BTN2A2: variants seen among roughly 807,000 people sequenced by gnomAD.
The protein encoded by BTN2A2 is butyrophilin subfamily 2 member A2, also known as butyrophilin 2.
BTN2A2 carries 29 observed loss-of-function variants against 34.7 expected under a neutral mutation model. The observed-to-expected ratio is 0.84, with a 90% CI of 0.62 to 1.14. BTN2A2 has a LOEUF of 1.14. BTN2A2 is among the 50% of genes most tolerant of loss of function. The probability of loss-of-function intolerance (pLI) is 0.00; values close to 1 mark genes in which losing one functional copy is unlikely to be tolerated. For missense variants in BTN2A2, 612 were observed against 651.5 expected (o/e 0.94, Z 0.66); for synonymous variants, 240 against 253.1 (o/e 0.95, Z 0.49).
intron 4 of BTN2A2, 25 bp from the exon 5 acceptor site, chr6:26,389,980 T>C: frequency 6.2e-7 from 1 of 1,608,268 alleles, no homozygotes; most frequent in Non-Finnish European, 8.5e-7. Context: ...TCAAACTAAA[T>C]GGACTTTTCT....
At chr6:26,392,190 A>C (rs1329213086) in intron 7 of BTN2A2, 185 bp from the exon 8 acceptor site, 8 of 1,526,028 alleles carry the variant, frequency 5.2e-6, no homozygotes, top group South Asian at 1.2e-5. Flanking sequence ...CTGTCTCTGG[A>C]GAGATAGAAG....
intron 3 of BTN2A2, 190 bp downstream of exon 3, chr6:26,385,552 CTTTTT>C: frequency 4.7e-6 from 2 of 428,112 alleles, no homozygotes; most frequent in Admixed American, 3.9e-5. Flanking sequence ...GGTTTCACTT[CTTTTT>C]TTTTTTTTTT....
chr6:26,383,928 G>A lies in BTN2A2; in HGVS notation c.94+13G>A, dbSNP rs185773255. On this transcript the variant is annotated intron_variant, in intron 2 of 7. Coordinates refer to ENST00000356709, the MANE Select transcript of BTN2A2 (RefSeq NM_006995.5). This position sits in a 1 kb window ranked among gnomAD's most constrained non-coding sequence, Gnocchi z 4.4. ...GCACTGGTCTCAGGTAGGGATGTGT[G>A]TCACTTGCTGCTGTCACCTCTCAGA... 155 of 1,609,476 alleles carry A rather than the reference G, an allele frequency of 9.6e-5. 1 individual carries two copies. The East Asian group carries it at 3.3e-3, about 34-fold the overall frequency.
At chr6:26,392,265 A>T in intron 7 of BTN2A2, 110 bp from the exon 8 acceptor site, 1 of 1,578,318 alleles carries the variant, frequency 6.3e-7, no homozygotes, top group Non-Finnish European at 8.6e-7. Context: ...GGAAACGGCC[A>T]CTACATGGGG....
chr6:26,390,348 A>G, intron 5 of BTN2A2, 137 bp downstream of exon 5: 2 of 915,582 alleles, frequency 2.2e-6, no homozygotes, highest in Non-Finnish European at 1.6e-6. Flanking sequence ...GAGAGAGGAA[A>G]TGCACAGCAG....
Position 26,390,227 on chromosome 6 carries a change from A to T in BTN2A2, c.931+16A>T, listed in dbSNP as rs921595968. On this transcript the variant is annotated intron_variant, in intron 5 of 7. Coordinates refer to ENST00000356709, the MANE Select transcript of BTN2A2 (RefSeq NM_006995.5). ...GAAATTGCACGTAAGGAATTTGTAA[A>T]GAAAGTGTGGAAAAATAGAAAGAAA... 1.2e-6 allele frequency: 2 copies of T among 1,609,522 alleles called. No individual in the cohort carries two copies. The highest frequency in any genetic ancestry group is 8.5e-7 in the Non-Finnish European group (1 of 1,177,356).
In BTN2A2 at chr6:26,384,918, A is replaced by G; in HGVS notation, c.95-97A>G. 1 of 1,256,042 alleles carries G rather than the reference A, an allele frequency of 8.0e-7. No homozygotes were observed. The highest frequency in any genetic ancestry group is 1.6e-5 in the South Asian group (1 of 64,184). The allele number at this position is 1,256,042 out of a possible 1,614,324, so 77.8% of individuals were successfully genotyped here. ...AATATCTGCTTCCTTTCATCCCTGG[A>G]GTTTTTTTTGTTTGTTTGTTTTTGT... On this transcript the variant is annotated intron_variant, in intron 2 of 7. Coordinates refer to ENST00000356709, the MANE Select transcript of BTN2A2 (RefSeq NM_006995.5). The surrounding 1 kb of genome is among the most constrained non-coding windows in gnomAD (Gnocchi z 4.0).
At chr6:26,388,944 A>T (rs1423126098) in intron 4 of BTN2A2, among the ~76,000 whole-genome samples, 1 of 152,070 alleles carries the variant, frequency 6.6e-6, no homozygotes, top group African/African-American at 2.4e-5. Flanking sequence ...AGATGGTGAA[A>T]CACCATCTCT....
chr6:26,393,348 G>A lies in BTN2A2; in HGVS notation c.*381G>A. ...TGTGGACTTGGAATGAGGCCAACAGGGTTCACCAGGATGAGAGAGGAGAGA... is the reference window on the plus strand; with the variant it reads ...TGTGGACTTGGAATGAGGCCAACAGAGTTCACCAGGATGAGAGAGGAGAGA... On this transcript the variant is annotated 3_prime_UTR_variant, in exon 8 of 8. Transcript: ENST00000356709. 8.4e-7 allele frequency: 1 copy of A among 1,189,032 alleles called. No individual in the cohort carries two copies. Among genetic ancestry groups the A allele is most frequent in the South Asian group, 1.8e-5 (1 of 56,618 alleles). 73.7% of individuals were successfully genotyped at this position (1,189,032 alleles called of 1,614,324 possible).
intron 3 of BTN2A2, among the ~76,000 whole-genome samples, chr6:26,386,577 A>G (rs966211535): frequency 5.3e-5 from 8 of 152,244 alleles, no homozygotes; most frequent in Non-Finnish European, 1.0e-4. Flanking sequence ...CTGTGTTCAC[A>G]GCAGCACTGC....
Position 26,392,366 on chromosome 6 carries a change from C to T in BTN2A2, c.980-9C>T. On this transcript the variant is annotated splice_polypyrimidine_tract_variant and intron_variant, in intron 7 of 7. Transcript: ENST00000356709. ...GACCCCAGGCATAAACCTGAGACTTCCTCTGCAGCTGATGTGGTCCTGGAT... is the reference window on the plus strand; with the variant it reads ...GACCCCAGGCATAAACCTGAGACTTTCTCTGCAGCTGATGTGGTCCTGGAT... The T allele has an allele frequency of 6.2e-7, 1 of 1,614,082 alleles. No individual in the cohort carries two copies. The highest frequency in any genetic ancestry group is 1.1e-5 in the South Asian group (1 of 91,080).
chr6:26,387,878 A>T (rs996561615), intron 3 of BTN2A2, 135 bp from the exon 4 acceptor site: 3 of 874,070 alleles, frequency 3.4e-6, no homozygotes, highest in Middle Eastern at 2.6e-4. Flanking sequence ...TCTCTTTGAG[A>T]TCTCACAATT....
At position 26,392,506 on chromosome 6, in the gene BTN2A2, G is replaced by T; in HGVS notation, c.1111G>T (p.Val371Phe). The T allele has an allele frequency of 6.2e-7, 1 of 1,614,236 alleles. No homozygotes were observed. Among genetic ancestry groups the T allele is most frequent in the African/African-American group, 1.3e-5 (1 of 75,046 alleles). ...NPERFDSQPC[V>F]LGWESFASGK... Reference sequence around the variant, plus strand: ...AGAGAGATTCGACAGTCAGCCTTGTGTCCTGGGATGGGAGAGCTTCGCCTC... The same window carrying T: ...AGAGAGATTCGACAGTCAGCCTTGTTTCCTGGGATGGGAGAGCTTCGCCTC... Residue 371 changes from valine (V) to phenylalanine (F), a missense_variant, in exon 8 of 8, where the codon GTC (valine) becomes TTC (phenylalanine). By Grantham distance (50) the Val-to-Phe change is conservative. Transcript: ENST00000356709.
At chr6:26,385,491 G>A in intron 3 of BTN2A2, 129 bp downstream of exon 3, 1 of 872,596 alleles carries the variant, frequency 1.1e-6, no homozygotes, top group Non-Finnish European at 1.7e-6. Context: ...AGAGAAAGTG[G>A]CTTCCTCTTG....
At chr6:26,388,619 G>A (rs1761364460) in intron 4 of BTN2A2, among the ~76,000 whole-genome samples, 1 of 152,002 alleles carries the variant, frequency 6.6e-6, no homozygotes, top group African/African-American at 2.4e-5. Flanking sequence ...GTCTATGCTT[G>A]GCATTCCTGT....
At chr6:26,386,296 A>C (rs944875088) in intron 3 of BTN2A2, among the ~76,000 whole-genome samples, 1 of 152,206 alleles carries the variant, frequency 6.6e-6, no homozygotes, top group African/African-American at 2.4e-5. Context: ...TAAAAGTGAC[A>C]CTAAGTGATT....
rs758162422 is a variant in BTN2A2 at position 26,392,716 on chromosome 6, G to A, written c.1321G>A (p.Glu441Lys). The A allele has an allele frequency of 1.9e-6, 3 of 1,614,206 alleles. No individual in the cohort carries two copies. Among genetic ancestry groups the A allele is most frequent in the Non-Finnish European group, 1.7e-6 (2 of 1,180,038 alleles). ...CCCTGAGAGGATTCTCCCTTTGAAG[G>A]AGTCCCTTTGCCGGGTGGGCGTCTT... The part of the protein sequence containing the change: ...SSPERILPLK[E>K]SLCRVGVFLD... Residue 441 changes from glutamate to lysine, a missense_variant, in exon 8 of 8, where the codon GAG (glutamate) becomes AAG (lysine). Transcript: ENST00000356709.
At chr6:26,388,682 G>A (rs1021370994) in intron 4 of BTN2A2, among the ~76,000 whole-genome samples, 4 of 152,098 alleles carry the variant, frequency 2.6e-5, no homozygotes, top group African/African-American at 9.7e-5. Flanking sequence ...ACAGAGCTGG[G>A]GAAATTCCCT....
chr6:26,393,541 G>A lies in BTN2A2; in HGVS notation c.*574G>A, dbSNP rs1372000906. On this transcript the variant is annotated 3_prime_UTR_variant, in exon 8 of 8. Coordinates refer to ENST00000356709, the MANE Select transcript of BTN2A2 (RefSeq NM_006995.5). The stretch of plus-strand genomic sequence containing the variant: ...ATGGCTCATTTCCACCCAACCCCAG[G>A]ATTTCCACAGCACACACCCACAGGC... The A allele has an allele frequency of 9.8e-7, 1 of 1,015,502 alleles. No individual in the cohort carries two copies. The highest frequency in any genetic ancestry group is 1.2e-6 in the Non-Finnish European group (1 of 848,530). The allele number at this position is 1,015,502 out of a possible 1,614,324, so 62.9% of individuals were successfully genotyped here.
Sources: gnomAD v4.1 joint callset for allele counts (sites outside exome capture counted in the v4.1 genomes callset) on GRCh38, gnomAD v4.1.1 for gene constraint, Gnocchi (gnomAD v3.1) non-coding constraint, MANE v1.5 for transcripts, NCBI Gene and HGNC (gene_info 2026-07-23, HGNC 2026-07-21) for gene names.